Variants in MSRA observed in about 807,000 individuals in gnomAD.
MSRA encodes the protein mitochondrial peptide methionine sulfoxide reductase.
Under a neutral mutation model 31.3 loss-of-function variants are expected in MSRA, and 54 were observed. The ratio of observed to expected loss-of-function variants is 1.73; its 90% CI spans 1.39 to 2.17. The LOEUF (loss-of-function observed/expected upper bound fraction) is 2.17. Ranked by LOEUF, MSRA falls within the 30% of genes most tolerant of loss-of-function variation. The pLI, the probability that MSRA is intolerant of heterozygous loss-of-function variation, is 0.00. For missense variants in MSRA, 507 were observed against 300.9 expected, an observed-to-expected ratio of 1.69 and a Z score of -5.07; for synonymous variants, 169 against 116.5, an observed-to-expected ratio of 1.45 and a Z score of -2.90.
At chr8:10,057,429 A>G (rs1264038519) in intron 1 of MSRA, among the ~76,000 whole-genome samples, 9 of 152,378 alleles carry the variant, frequency 5.9e-5, no homozygotes, top group Admixed American at 4.6e-4. Flanking sequence ...TAGAAGGCTC[A>G]TAATTAAAAC....
intron 5 of MSRA, among the ~76,000 whole-genome samples, chr8:10,339,392 TG>T (rs1803264429): frequency 6.6e-6 from 1 of 152,188 alleles, no homozygotes; most frequent in African/African-American, 2.4e-5. Context: ...AGGTCCACAT[TG>T]GCTGCTTTTG....
intron 5 of MSRA, among the ~76,000 whole-genome samples, chr8:10,414,255 G>C (rs1435045223): frequency 6.6e-6 from 1 of 152,178 alleles, no homozygotes; most frequent in Non-Finnish European, 1.5e-5. Context: ...GTTTAGAAAA[G>C]GCTCTGGAAG....
chr8:10,074,058 CTTTTTTTTTTTTTTTTTTTTT>C (rs534642712), intron 1 of MSRA, among the ~76,000 whole-genome samples: 28 of 29,458 alleles, frequency 9.5e-4, no homozygotes, highest in East Asian at 6.8e-3. Flanking sequence ...AAGGGAGGTG[CTTTTTTTTTTTTTTTTTTTTT>C]TTTTTTTTTT....
intron 1 of MSRA, among the ~76,000 whole-genome samples, chr8:10,133,740 G>C (rs757659227): frequency 6.6e-6 from 1 of 152,216 alleles, no homozygotes; most frequent in South Asian, 2.1e-4. Context: ...TGACTGTTAA[G>C]ACTGTGATAC....
At chr8:10,289,995 T>G (rs1237660315) in intron 3 of MSRA, among the ~76,000 whole-genome samples, 1 of 152,254 alleles carries the variant, frequency 6.6e-6, no homozygotes, top group African/African-American at 2.4e-5. Flanking sequence ...TTATTGCTCT[T>G]AACCATCTTC....
chr8:10,152,555 A>C (rs1218416591), intron 1 of MSRA, among the ~76,000 whole-genome samples: 5 of 152,186 alleles, frequency 3.3e-5, no homozygotes, highest in Non-Finnish European at 7.3e-5. Context: ...TTGGGTATCT[A>C]GGTGGATTGG....
intron 1 of MSRA, among the ~76,000 whole-genome samples, chr8:10,076,223 ATGTT>A (rs1797990407): frequency 6.6e-6 from 1 of 152,226 alleles, no homozygotes; most frequent in African/African-American, 2.4e-5. Context: ...GTTGCACAGA[ATGTT>A]TGTTTTGCAG....
chr8:10,087,132 A>T (rs1395336230), intron 1 of MSRA, among the ~76,000 whole-genome samples: 1 of 152,180 alleles, frequency 6.6e-6, no homozygotes, highest in Non-Finnish European at 1.5e-5. Context: ...TCTTCCTACT[A>T]GACCTTAAAC....
chr8:10,325,801 G>A (rs1802329316), intron 5 of MSRA, among the ~76,000 whole-genome samples: 4 of 152,218 alleles, frequency 2.6e-5, no homozygotes, highest in South Asian at 2.1e-4. Context: ...GGGAAGGAGA[G>A]CAGGGAGCTG....
chr8:10,080,669 G>A (rs1798246007), intron 1 of MSRA, among the ~76,000 whole-genome samples: 1 of 151,074 alleles, frequency 6.6e-6, no homozygotes, highest in Non-Finnish European at 1.5e-5. Context: ...GGGACTGCAG[G>A]CATGCGTTAC....
chr8:10,308,349 TG>T (rs1459712366), intron 4 of MSRA, among the ~76,000 whole-genome samples: 1 of 152,190 alleles, frequency 6.6e-6, no homozygotes, highest in African/African-American at 2.4e-5. Context: ...GTGTGGACCC[TG>T]GGGTCAGAGA....
intron 3 of MSRA, among the ~76,000 whole-genome samples, chr8:10,286,400 G>C (rs1172392166): frequency 6.6e-6 from 1 of 152,270 alleles, no homozygotes; most frequent in Admixed American, 6.5e-5. Flanking sequence ...GAGTTTCCCT[G>C]CACAAGCACT....
At chr8:10,337,585 C>T in intron 5 of MSRA, 1 of 643,972 alleles carries the variant, frequency 1.6e-6, no homozygotes, top group South Asian at 1.8e-5. Flanking sequence ...GCAGATTCCT[C>T]TCTGTCTCTG....
At chr8:10,263,446 C>T (rs532269568) in intron 3 of MSRA, among the ~76,000 whole-genome samples, 1 of 152,354 alleles carries the variant, frequency 6.6e-6, no homozygotes, top group African/African-American at 2.4e-5. Flanking sequence ...TATGTGTGCA[C>T]GTTCAGACAA....
chr8:10,423,911 A>T (rs867840223), intron 5 of MSRA, among the ~76,000 whole-genome samples: 6 of 152,272 alleles, frequency 3.9e-5, no homozygotes, highest in African/African-American at 9.6e-5. Context: ...TCATTTTCTC[A>T]TTCATTCATT....
chr8:10,081,343 G>A (rs908518805), intron 1 of MSRA, among the ~76,000 whole-genome samples: 2 of 152,172 alleles, frequency 1.3e-5, no homozygotes, highest in East Asian at 3.8e-4. Flanking sequence ...TCCCTAGTTC[G>A]TTACCATGGG....
chr8:10,095,656 C>T (rs963595202), intron 1 of MSRA: 1 of 999,024 alleles, frequency 1.0e-6, no homozygotes, highest in Non-Finnish European at 1.2e-6. Context: ...CTTTTGTCTG[C>T]TTTCTCGGCT....
chr8:10,425,355 C>T (rs903668861), intron 5 of MSRA, among the ~76,000 whole-genome samples: 5 of 152,232 alleles, frequency 3.3e-5, no homozygotes, highest in African/African-American at 1.2e-4. Flanking sequence ...CATCTTGTGG[C>T]TGAGGCTGGT....
At chr8:10,220,185 A>G (rs1336787121) in intron 2 of MSRA, among the ~76,000 whole-genome samples, 1 of 152,206 alleles carries the variant, frequency 6.6e-6, no homozygotes, top group Non-Finnish European at 1.5e-5. Context: ...AACACTTTTC[A>G]TCTTCCTGGG....
Sources: gnomAD v4.1 joint callset for allele counts (sites outside exome capture counted in the v4.1 genomes callset) on GRCh38, gnomAD v4.1.1 for gene constraint, MANE v1.5 for transcripts, NCBI Gene and HGNC (gene_info 2026-07-23, HGNC 2026-07-21) for gene names.